ACSM5: variants seen among roughly 807,000 people sequenced by gnomAD.
ACSM5 encodes acyl-coenzyme A synthetase ACSM5, mitochondrial.
ACSM5 carries 56 observed loss-of-function variants against 71.6 expected under a neutral mutation model. The observed-to-expected ratio is 0.78, with a 90% CI of 0.63 to 0.98. ACSM5 has a LOEUF of 0.98. Ranked by LOEUF, ACSM5 falls within the 50% of genes least tolerant of loss-of-function variation. The pLI, the probability that ACSM5 is intolerant of heterozygous loss-of-function variation, is 0.00. For synonymous variants in ACSM5, 285 were observed against 281.5 expected, an observed-to-expected ratio of 1.01 and a Z score of -0.12; for missense variants, 723 against 726.0, an observed-to-expected ratio of 1.00 and a Z score of 0.05.
At chr16:20,424,671 G>C (rs1014280297) in intron 6 of ACSM5, among the ~76,000 whole-genome samples, 2 of 152,182 alleles carry the variant, frequency 1.3e-5, no homozygotes, top group Admixed American at 1.3e-4. Flanking sequence ...AGTCAGACCT[G>C]GACTCTGATC....
intron 6 of ACSM5, among the ~76,000 whole-genome samples, chr16:20,426,948 GA>G (rs1966992045): frequency 6.6e-6 from 1 of 151,916 alleles, no homozygotes; most frequent in Admixed American, 6.6e-5. Context: ...TAATTTTAAA[GA>G]AGATATTTGC....
At chr16:20,440,027 G>T (rs1386550290) in intron 13 of ACSM5, 108 bp downstream of exon 13, 1 of 1,386,174 alleles carries the variant, frequency 7.2e-7, no homozygotes, top group Non-Finnish European at 1.0e-6. Flanking sequence ...GGGATATGGA[G>T]AAACTTGTAA....
chr16:20,436,413 C>T (rs544868703), intron 10 of ACSM5, among the ~76,000 whole-genome samples: 15 of 152,098 alleles, frequency 9.9e-5, no homozygotes, highest in Non-Finnish European at 2.1e-4. Flanking sequence ...CCCTATAGCC[C>T]AGGCTGGAGT....
chr16:20,411,597 C>G lies in ACSM5; in HGVS notation c.113C>G (p.Thr38Ser), dbSNP rs764678560. 5 of 1,614,158 alleles carry G rather than the reference C, an allele frequency of 3.1e-6. No individual in the cohort carries two copies. The highest frequency in any genetic ancestry group is 4.2e-6 in the Non-Finnish European group (5 of 1,180,030). The change falls in exon 2 of 14, where the codon ACC becomes AGC. Residue 38 changes from threonine (T) to serine (S), a missense_variant. Physicochemically the swap from Thr to Ser is moderately conservative, Grantham distance 58. Transcript: ENST00000331849. ...CCTGTTCCTCAGAAGATCGTGGCCA[C>G]CTGGGAAGCCATCAGCCTGGGAAGG... Reference protein sequence around the residue: ...PLPVPQKIVATWEAISLGRQL... With the variant: ...PLPVPQKIVASWEAISLGRQL...
At position 20,411,479 on chromosome 16, in the gene ACSM5, G is replaced by A. The variant is rs1179445419; in HGVS notation, c.-6G>A. Reference sequence around the variant, plus strand: ...CTCTCTTTGGTGACAGACAGGAGGCGACTGCATGAGACCATGGCTGAGACA... The same window carrying A: ...CTCTCTTTGGTGACAGACAGGAGGCAACTGCATGAGACCATGGCTGAGACA... On this transcript the variant is annotated 5_prime_UTR_variant, in exon 2 of 14. Coordinates refer to ENST00000331849, the MANE Select transcript of ACSM5 (RefSeq NM_017888.3). 6.2e-6 allele frequency: 10 copies of A among 1,613,528 alleles called. No homozygotes were observed. The highest frequency in any genetic ancestry group is 2.7e-5 in the African/African-American group (2 of 74,912).
Position 20,419,191 on chromosome 16 carries a change from C to T in ACSM5, c.416-37C>T, listed in dbSNP as rs370057860. ...TTACCTCTATACCCAAGGCCTTCCC[C>T]GCTATCCACTCAACATCCCCTTCTG... On this transcript the variant is annotated intron_variant, in intron 3 of 13. Transcript: ENST00000331849. The T allele has an allele frequency of 4.6e-4, 739 of 1,608,272 alleles. 1 individual carries two copies. Among genetic ancestry groups the T allele is most frequent in the Non-Finnish European group, 2.9e-4 (345 of 1,174,884 alleles).
At chr16:20,422,094 A>ATTTATTTTTATTTTTTAT (rs1567342702) in intron 5 of ACSM5, among the ~76,000 whole-genome samples, 2 of 151,862 alleles carry the variant, frequency 1.3e-5, no homozygotes, top group Admixed American at 6.6e-5. Flanking sequence ...ACCACATTTT[A>ATTTATTTTTATTTTTTAT]TTTATTTTTA....
At chr16:20,435,184 C>T (rs1298447384) in intron 10 of ACSM5, among the ~76,000 whole-genome samples, 2 of 152,216 alleles carry the variant, frequency 1.3e-5, no homozygotes, top group Non-Finnish European at 2.9e-5. Context: ...AGGCGCCTGC[C>T]GCCACACCTG....
At chr16:20,435,448 AT>A (rs1256365883) in intron 10 of ACSM5, among the ~76,000 whole-genome samples, 1 of 152,052 alleles carries the variant, frequency 6.6e-6, no homozygotes, top group East Asian at 1.9e-4. Flanking sequence ...GGTAGCTTAT[AT>A]TTTTTCTTTT....
chr16:20,419,656 A>T, intron 4 of ACSM5: 2 of 573,914 alleles, frequency 3.5e-6, no homozygotes, highest in Admixed American at 6.0e-5. Context: ...TCTGTGCTTC[A>T]TTTGCTTCTA....
intron 6 of ACSM5, among the ~76,000 whole-genome samples, chr16:20,425,786 T>A (rs1357040055): frequency 6.6e-6 from 1 of 151,916 alleles, no homozygotes; most frequent in African/African-American, 2.4e-5. Flanking sequence ...TGAGTTGTAT[T>A]CCATTATATA....
chr16:20,427,424 G>A (rs1367662235), intron 6 of ACSM5, among the ~76,000 whole-genome samples: 1 of 152,234 alleles, frequency 6.6e-6, no homozygotes, highest in Non-Finnish European at 1.5e-5. Flanking sequence ...GATGGCTTGA[G>A]CATACTCAAA....
intron 4 of ACSM5, among the ~76,000 whole-genome samples, chr16:20,420,355 C>G (rs920367683): frequency 2.6e-5 from 4 of 152,220 alleles, no homozygotes; most frequent in Non-Finnish European, 5.9e-5. Context: ...AATCCCAGCA[C>G]TTTTGGAGGC....
intron 10 of ACSM5, among the ~76,000 whole-genome samples, chr16:20,434,551 G>T (rs1187989012): frequency 2.0e-5 from 3 of 152,106 alleles, no homozygotes; most frequent in Non-Finnish European, 4.4e-5. Flanking sequence ...AAAATTAGCT[G>T]GGTGTGGTGG....
At chr16:20,421,850 A>G (rs1407516797) in intron 5 of ACSM5, among the ~76,000 whole-genome samples, 2 of 151,414 alleles carry the variant, frequency 1.3e-5, no homozygotes, top group African/African-American at 2.4e-5. Flanking sequence ...CCCATTACCC[A>G]ATAACACCCC....
intron 2 of ACSM5, among the ~76,000 whole-genome samples, chr16:20,413,121 T>G (rs1480397905): frequency 1.3e-5 from 2 of 152,168 alleles, no homozygotes; most frequent in Non-Finnish European, 2.9e-5. Context: ...GAGAATTGCA[T>G]GTAAGACATG....
chr16:20,409,977 TG>T (rs1966844489), intron 1 of ACSM5, among the ~76,000 whole-genome samples: 2 of 151,786 alleles, frequency 1.3e-5, no homozygotes, highest in African/African-American at 4.9e-5. Context: ...GGCCTAGGCC[TG>T]GTGGCCACTG....
intron 2 of ACSM5, among the ~76,000 whole-genome samples, chr16:20,413,621 T>A (rs1966851414): frequency 6.6e-6 from 1 of 152,198 alleles, no homozygotes; most frequent in Non-Finnish European, 1.5e-5. Context: ...ATCCAATGTC[T>A]ATGGGAGCTT....
In ACSM5 at chr16:20,440,755, G is replaced by A. The variant is rs1967312447; in HGVS notation, c.*328G>A. ...ATAGGACAGGTTACCATAGACTTGG[G>A]GCACTTGTGGGTACTCATTTTCTGC... On this transcript the variant is annotated 3_prime_UTR_variant, in exon 14 of 14. Coordinates refer to ENST00000331849, the MANE Select transcript of ACSM5 (RefSeq NM_017888.3). 4.7e-6 allele frequency: 1 copy of A among 211,890 alleles called. No individual in the cohort carries two copies. The highest frequency in any genetic ancestry group is 5.2e-5 in the Admixed American group (1 of 19,388). The allele number at this position is 211,890 out of a possible 1,614,324, so 13.1% of individuals were successfully genotyped here. A position where few individuals can be genotyped will look rare whatever the true frequency, so the allele number is the denominator to read the frequency against.
Sources: gnomAD v4.1 joint callset for allele counts (sites outside exome capture counted in the v4.1 genomes callset) on GRCh38, gnomAD v4.1.1 for gene constraint, MANE v1.5 for transcripts, NCBI Gene and HGNC (gene_info 2026-07-23, HGNC 2026-07-21) for gene names.